SCARF2: variants seen among roughly 807,000 people sequenced by gnomAD.
SCARF2 encodes scavenger receptor class F member 2, also known as scavenger receptor expressed by endothelial cells 2 protein.
SCARF2 carries 39 observed loss-of-function variants against 73.4 expected under a neutral mutation model. The observed-to-expected ratio is 0.53, with a 90% confidence interval of 0.41 to 0.69. The LOEUF (loss-of-function observed/expected upper bound fraction) is 0.69, where lower values mean the gene tolerates loss of function less well. SCARF2 is among the 30% of genes least tolerant of loss of function. SCARF2 has a pLI of 0.00. For synonymous variants in SCARF2, 605 were observed against 590.0 expected, an observed-to-expected ratio of 1.03 and a Z score of -0.37; for missense variants, 1,148 against 1,303.5, an observed-to-expected ratio of 0.88 and a Z score of 1.84.
In SCARF2 at chr22:20,429,158, C is replaced by T; in HGVS notation, c.1540+67G>A. 6.2e-7 allele frequency: 1 copy of T among 1,603,666 alleles called. No homozygotes were observed. The highest frequency in any genetic ancestry group is 1.1e-5 in the South Asian group (1 of 90,500). ...TCACTGAGATCTGGACCCCCTCACA[C>T]CCATTTCCCAGCAGCTTCCTGCGTC... is the stretch of plus-strand genomic sequence containing the variant. On this transcript the variant is annotated intron_variant, in intron 9 of 10. Transcript: ENST00000622235. This position sits in a 1 kb window ranked among gnomAD's most constrained non-coding sequence, Gnocchi z 5.2.
rs1225688619 is a variant in SCARF2, at chr22:20,429,262, C to T, written c.1503G>A (p.Arg501=). 5 of 1,613,756 alleles carry T rather than the reference C, an allele frequency of 3.1e-6. No individual in the cohort carries two copies. The African/African-American group carries it at 5.3e-5, about 17-fold the overall frequency. Residue 501 remains arginine, a synonymous_variant, in exon 9 of 11, where the codon CGG becomes CGA. Transcript: ENST00000622235. This position sits in a 1 kb window ranked among gnomAD's most constrained non-coding sequence, Gnocchi z 5.2. ...RFSRISMKLP[R]IPLRRQKLPK... ...GTAGTTTCTGCCTCCGGAGCGGGAT[C>T]CGGGGCAGCTTCATGCTGATGCGAC...
chr22:20,426,578 G>A (rs1010316279), intron 10 of SCARF2, among the ~76,000 whole-genome samples: 1 of 152,316 alleles, frequency 6.6e-6, no homozygotes, highest in African/African-American at 2.4e-5. Context: ...AGCCTTGGGC[G>A]CCTGCATCAT....
At position 20,427,387 on chromosome 22, in the gene SCARF2, G is replaced by C; in HGVS notation, c.1693+11C>G. On this transcript the variant is annotated intron_variant, in intron 10 of 10. Coordinates refer to ENST00000622235, the MANE Select transcript of SCARF2 (RefSeq NM_182895.5). ...TGGGCTGGAGTGATGCCCAGGTAGGGCCTTACTTACCCTCATGGGGTACAC... is the reference window on the plus strand; with the variant it reads ...TGGGCTGGAGTGATGCCCAGGTAGGCCCTTACTTACCCTCATGGGGTACAC... 1 of 1,614,080 alleles carries C rather than the reference G, an allele frequency of 6.2e-7. No individual in the cohort carries two copies. Among genetic ancestry groups the C allele is most frequent in the Non-Finnish European group, 8.5e-7 (1 of 1,179,992 alleles).
At chr22:20,436,536 G>C (rs1341567725) in intron 1 of SCARF2, among the ~76,000 whole-genome samples, 3 of 152,022 alleles carry the variant, frequency 2.0e-5, no homozygotes, top group Admixed American at 6.5e-5. Context: ...CTCCGGACCA[G>C]AGTTCGGAAA....
chr22:20,432,915 G>C (rs565023225), intron 1 of SCARF2, among the ~76,000 whole-genome samples: 5 of 152,236 alleles, frequency 3.3e-5, no homozygotes, highest in Admixed American at 1.3e-4. Context: ...ACAGGGTTTC[G>C]CCATGTTGGC....
intron 6 of SCARF2, among the ~76,000 whole-genome samples, chr22:20,430,166 G>A (rs1248473925): frequency 1.3e-5 from 2 of 152,176 alleles, no homozygotes; most frequent in African/African-American, 4.8e-5. Context: ...GGAGGTCCCT[G>A]GTCCTTCTGT....
intron 10 of SCARF2, 78 bp from the exon 11 acceptor site, chr22:20,426,360 C>G (rs1411091701): frequency 2.0e-6 from 3 of 1,473,728 alleles, no homozygotes; most frequent in East Asian, 2.5e-5. Flanking sequence ...CAAACCTTCA[C>G]CTTTCCTCCT....
intron 1 of SCARF2, among the ~76,000 whole-genome samples, chr22:20,433,242 A>G (rs969298743): frequency 2.0e-5 from 3 of 152,190 alleles, no homozygotes; most frequent in African/African-American, 7.2e-5. Flanking sequence ...GAGGCTGAGA[A>G]GGAAGAGCCA....
Position 20,430,847 on chromosome 22 carries a change from C to T in SCARF2, c.916G>A (p.Glu306Lys). Residue 306 changes from glutamate to lysine, a missense_variant, in exon 5 of 11, where the codon GAG (glutamate) becomes AAG (lysine). This residue lies in a region of SCARF2 where 372 missense variants were observed against 532.0 expected (regional missense o/e 0.70). Coordinates refer to ENST00000622235, the MANE Select transcript of SCARF2 (RefSeq NM_182895.5). ...CACTTGGTTCCGTTCCAGCCGGGCT[C>T]GCACGTCAAGCAGCGGCCCTCGGCC... The part of the protein sequence containing the change: ...TVAEGRCLTC[E>K]PGWNGTKCDQ... 2 of 1,607,170 alleles carry T rather than the reference C, an allele frequency of 1.2e-6. No individual in the cohort carries two copies. Among genetic ancestry groups the T allele is most frequent in the Non-Finnish European group, 1.7e-6 (2 of 1,178,208 alleles).
At chr22:20,437,419 T>C (rs1045415915) in intron 1 of SCARF2, among the ~76,000 whole-genome samples, 163 bp downstream of exon 1, 20 of 152,178 alleles carry the variant, frequency 1.3e-4, no homozygotes, top group Non-Finnish European at 2.2e-4. Flanking sequence ...TCGTGGCCCA[T>C]GGCCGAGGCT....
At chr22:20,426,389 CTG>C in intron 10 of SCARF2, 107 bp from the exon 11 acceptor site, 1 of 1,235,974 alleles carries the variant, frequency 8.1e-7, no homozygotes. Context: ...GCCCTTGGCA[CTG>C]TGTCACCCTG....
chr22:20,437,490 G>A, intron 1 of SCARF2, 92 bp downstream of exon 1: 2 of 1,356,100 alleles, frequency 1.5e-6, no homozygotes, highest in Non-Finnish European at 2.0e-6. Flanking sequence ...GGCGTAGGAA[G>A]GTTCCGGTAG....
Position 20,429,285 on chromosome 22 carries a change from G to C in SCARF2, c.1480C>G (p.Arg494Gly). 6.2e-7 allele frequency: 1 copy of C among 1,613,024 alleles called. No homozygotes were observed. Among genetic ancestry groups the C allele is most frequent in the Non-Finnish European group, 8.5e-7 (1 of 1,179,796 alleles). Residue 494 changes from arginine (R) to glycine (G), a missense_variant, in exon 9 of 11, where the codon CGC becomes GGC. Around this residue, in one of 5 missense-constraint regions of SCARF2, gnomAD observed 437 missense variants for 433.6 expected, o/e 1.01. Transcript: ENST00000622235. The surrounding 1 kb of genome is among the most constrained non-coding windows in gnomAD (Gnocchi z 5.2). ...APHRLCGRFS[R>G]ISMKLPRIPL... The stretch of plus-strand genomic sequence containing the variant: ...ATCCGGGGCAGCTTCATGCTGATGC[G>C]ACTGAAGCGCCCGCATAGTCGGTGC...
chr22:20,426,672 C>T (rs1031860104), intron 10 of SCARF2, among the ~76,000 whole-genome samples: 3 of 152,208 alleles, frequency 2.0e-5, no homozygotes, highest in African/African-American at 7.2e-5. Context: ...TGGTGGCTCA[C>T]GCCTGTAATC....
chr22:20,429,402 C>A lies in SCARF2; in HGVS notation c.1425-62G>T, dbSNP rs1464375656. On this transcript the variant is annotated intron_variant, in intron 8 of 10. Transcript: ENST00000622235. The surrounding 1 kb of genome is among the most constrained non-coding windows in gnomAD (Gnocchi z 5.2). ...GGGCGGGGCCCAGGGGCGATTAGAT[C>A]TCGGCCGGAGCCAAGCACAGAAGGG... The A allele has an allele frequency of 1.3e-6, 2 of 1,556,828 alleles. No individual in the cohort carries two copies. Among genetic ancestry groups the A allele is most frequent in the Non-Finnish European group, 1.7e-6 (2 of 1,151,816 alleles).
Position 20,425,767 on chromosome 22 carries a change from A to C in SCARF2, c.2209T>G (p.Ser737Ala). The C allele has an allele frequency of 1.5e-6, 2 of 1,312,000 alleles. No homozygotes were observed. Among genetic ancestry groups the C allele is most frequent in the Non-Finnish European group, 1.9e-6 (2 of 1,036,616 alleles). 81.3% of individuals were successfully genotyped at this position (1,312,000 alleles called of 1,614,324 possible). ...CCCCGCGCTCGGGCCCTGGGCGGCG[A>C]GGGCGCAGCGAGGGCTGTCGCCTCC... Reference protein sequence around the residue: ...PEEATALAAPSPPRARARGRG... With the variant: ...PEEATALAAPAPPRARARGRG... The change falls in exon 11 of 11, where the codon TCG (serine) becomes GCG (alanine). Residue 737 changes from serine to alanine, a missense_variant. By Grantham distance (99) the Ser-to-Ala change is moderately conservative. Coordinates refer to ENST00000622235, the MANE Select transcript of SCARF2 (RefSeq NM_182895.5). This position sits in a 1 kb window ranked among gnomAD's most constrained non-coding sequence, Gnocchi z 4.6.
intron 1 of SCARF2, among the ~76,000 whole-genome samples, chr22:20,433,751 C>T (rs2052670933): frequency 1.3e-5 from 2 of 152,256 alleles, no homozygotes; most frequent in South Asian, 2.1e-4. Context: ...TGGCCCCTGC[C>T]CCCACTGTCT....
At position 20,429,419 on chromosome 22, in the gene SCARF2, ACAGAAGGGGCGGGG is replaced by A; in HGVS notation, c.1425-93_1425-80del. 6.4e-7 allele frequency: 1 copy of A among 1,557,120 alleles called. No individual in the cohort carries two copies. The highest frequency in any genetic ancestry group is 8.7e-7 in the Non-Finnish European group (1 of 1,152,448). On this transcript the variant is annotated intron_variant, in intron 8 of 10. Transcript: ENST00000622235. The surrounding 1 kb of genome is among the most constrained non-coding windows in gnomAD (Gnocchi z 5.2). ...GATTAGATCTCGGCCGGAGCCAAGC[ACAGAAGGGGCGGGG>A]CCACGTCCGGGGCAGGGGCGCGGAA...
At chr22:20,431,639 G>A in intron 3 of SCARF2, 102 bp from the exon 4 acceptor site, 2 of 1,540,144 alleles carry the variant, frequency 1.3e-6, no homozygotes, top group Non-Finnish European at 1.8e-6. Flanking sequence ...CGCCACCTCT[G>A]GGGACCCGCC....
Sources: gnomAD v4.1 joint callset for allele counts (sites outside exome capture counted in the v4.1 genomes callset) on GRCh38, gnomAD v4.1.1 for gene constraint, gnomAD v4.1.1 regional missense constraint, Gnocchi (gnomAD v3.1) non-coding constraint, MANE v1.5 for transcripts, NCBI Gene and HGNC (gene_info 2026-07-23, HGNC 2026-07-21) for gene names.